The following ZAP70 variants were observed in gnomAD, a reference collection of about 807,000 sequenced individuals.
The protein encoded by ZAP70 is tyrosine-protein kinase ZAP-70.
A neutral mutation model predicts 65.8 loss-of-function variants in ZAP70; 27 were observed. That is an observed-to-expected ratio of 0.41 (90% CI 0.30 to 0.57). The LOEUF is 0.57. Among genes scored for constraint, ZAP70 ranks in the 20% least tolerant of loss-of-function variants. The pLI is 0.28. For missense variants in ZAP70, 696 were observed against 870.5 expected (o/e 0.80, Z 2.52); for synonymous variants, 363 against 360.8 (o/e 1.01, Z -0.07).
the ZAP70 span, among the ~76,000 whole-genome samples, chr2:97,754,177 G>GTAAT: frequency 6.6e-6 from 1 of 152,260 alleles, no homozygotes; most frequent in East Asian, 1.9e-4. Flanking sequence ...TACCCTTAGA[G>GTAAT]TAATTATTTG....
the ZAP70 span, among the ~76,000 whole-genome samples, chr2:97,751,517 T>A: frequency 6.6e-6 from 1 of 152,174 alleles, no homozygotes; most frequent in Non-Finnish European, 1.5e-5. Flanking sequence ...ATGCTATTTT[T>A]AAAAAAATTC....
intron 2 of ZAP70, among the ~76,000 whole-genome samples, chr2:97,718,522 T>C (rs1677039032): frequency 6.6e-6 from 1 of 151,976 alleles, no homozygotes; most frequent in South Asian, 2.1e-4. Flanking sequence ...ACCCGACCTG[T>C]GTGTGTGGGG....
chr2:97,717,022 A>G (rs1676944563), intron 2 of ZAP70, among the ~76,000 whole-genome samples: 1 of 152,352 alleles, frequency 6.6e-6, no homozygotes, highest in African/African-American at 2.4e-5. Context: ...AGACATATGA[A>G]GGAGGAGCCT....
At chr2:97,717,621 G>T (rs1437411172) in intron 2 of ZAP70, among the ~76,000 whole-genome samples, 1 of 152,222 alleles carries the variant, frequency 6.6e-6, no homozygotes, top group Non-Finnish European at 1.5e-5. Flanking sequence ...GATGCCCAGG[G>T]AATGTTCTGT....
chr2:97,754,302 T>C, the ZAP70 span, among the ~76,000 whole-genome samples: 3 of 152,016 alleles, frequency 2.0e-5, no homozygotes, highest in Non-Finnish European at 4.4e-5. Context: ...AAAAAGGAGT[T>C]TGGTCGGGGG....
Position 97,724,046 on chromosome 2 carries a change from C to T in ZAP70, c.10C>T (p.Pro4Ser), listed in dbSNP as rs1463285003. The change falls in exon 3 of 14, where the codon CCC becomes TCC. Residue 4 changes from proline (P) to serine (S), a missense_variant. Around this residue, in one of 3 missense-constraint regions of ZAP70, gnomAD observed 551 missense variants for 630.0 expected, o/e 0.87. Transcript: ENST00000264972. ...GGGAGGCCCAGGGGCGATGCCAGAC[C>T]CCGCGGCGCACCTGCCCTTCTTCTA... MPD[P>S]AAHLPFFYGS... is the part of the protein sequence containing the mutation. 2.6e-6 allele frequency: 4 copies of T among 1,551,922 alleles called. No individual in the cohort carries two copies. Among genetic ancestry groups the T allele is most frequent in the Non-Finnish European group, 3.5e-6 (4 of 1,154,928 alleles).
At chr2:97,747,822 T>G in the ZAP70 span, among the ~76,000 whole-genome samples, 1 of 123,382 alleles carries the variant, frequency 8.1e-6, no homozygotes, top group Admixed American at 7.8e-5. Context: ...GAGGTTTTTT[T>G]TTTTTTTTTT....
intron 4 of ZAP70, among the ~76,000 whole-genome samples, chr2:97,726,157 T>TTATA (rs139213192): frequency 0.035 from 5,277 of 152,198 alleles, 304 homozygotes; most frequent in African/African-American, 0.12. Flanking sequence ...ATGTTAGCTT[T>TTATA]TATATGTGGG....
In ZAP70 at chr2:97,736,613, C is replaced by A. The variant is rs1677895638; in HGVS notation, c.1290-860C>A. 6.6e-6 allele frequency among the ~76,000 whole-genome samples: 1 copy of A among 152,178 alleles called. No individual in the cohort carries two copies. Among genetic ancestry groups the A allele is most frequent in the Non-Finnish European group, 1.5e-5 (1 of 68,042 alleles). On this transcript the variant is annotated intron_variant, in intron 10 of 13. Transcript: ENST00000264972. The surrounding 1 kb of genome is among the most constrained non-coding windows in gnomAD (Gnocchi z 4.0). Reference sequence around the variant, plus strand: ...TAGTGTGGTGGGCACAAGCCTGCCGCAGCTCCAGGGGGTTGGGAGTGTTGG... The same window carrying A: ...TAGTGTGGTGGGCACAAGCCTGCCGAAGCTCCAGGGGGTTGGGAGTGTTGG...
At chr2:97,742,346 A>G (rs1056469431), downstream of ZAP70, among the ~76,000 whole-genome samples, 1 of 152,252 alleles carries the variant, frequency 6.6e-6, no homozygotes, top group Non-Finnish European at 1.5e-5. Flanking sequence ...TTCTCTTGTA[A>G]GTGGCGAAGT....
chr2:97,740,174 C>T (rs1039173674), downstream of ZAP70, among the ~76,000 whole-genome samples: 5 of 152,126 alleles, frequency 3.3e-5, no homozygotes, highest in African/African-American at 7.2e-5. Flanking sequence ...TTTTAACAAA[C>T]GCTAACCCCC....
chr2:97,734,698 G>C lies in ZAP70; in HGVS notation c.1068G>C (p.Val356=). 4 of 1,613,966 alleles carry C rather than the reference G, an allele frequency of 2.5e-6. No individual in the cohort carries two copies. Among genetic ancestry groups the C allele is most frequent in the South Asian group, 1.1e-5 (1 of 91,092 alleles). ...ACTTTGGCTCAGTGCGCCAGGGCGT[G>C]TACCGCATGCGCAAGTATGGCCGCC... is the stretch of plus-strand genomic sequence containing the variant. The part of the protein sequence containing the change: ...CGNFGSVRQG[V]YRMRKKQIDV... The change falls in exon 9 of 14, where the codon GTG becomes GTC. Residue 356 remains valine, a synonymous_variant. Coordinates refer to ENST00000264972, the MANE Select transcript of ZAP70 (RefSeq NM_001079.4).
chr2:97,747,651 G>C, the ZAP70 span, among the ~76,000 whole-genome samples: 4 of 152,096 alleles, frequency 2.6e-5, no homozygotes, highest in African/African-American at 9.7e-5. Context: ...TCTGGAATGA[G>C]AGAGTGGTGA....
chr2:97,714,588 G>A (rs1041565779), intron 2 of ZAP70, among the ~76,000 whole-genome samples: 4 of 152,246 alleles, frequency 2.6e-5, no homozygotes, highest in African/African-American at 4.8e-5. Context: ...CAGGCGCCTG[G>A]TTCCTGACTG....
intron 8 of ZAP70, 59 bp downstream of exon 8, chr2:97,733,654 G>A (rs1677717184): frequency 5.6e-6 from 9 of 1,606,296 alleles, no homozygotes; most frequent in South Asian, 1.1e-5. Flanking sequence ...GATCAGGGTC[G>A]CTGTCAGGGC....
rs1677267204 is a variant in ZAP70 at position 97,724,041 on chromosome 2, C to T, written c.5C>T (p.Pro2Leu). The T allele has an allele frequency of 2.6e-6, 4 of 1,550,726 alleles. No homozygotes were observed. Among genetic ancestry groups the T allele is most frequent in the Non-Finnish European group, 3.5e-6 (4 of 1,154,382 alleles). M[P>L]DPAAHLPFFY... ...GTTTCGGGAGGCCCAGGGGCGATGC[C>T]AGACCCCGCGGCGCACCTGCCCTTC... is the stretch of plus-strand genomic sequence containing the variant. The change falls in exon 3 of 14, where the codon CCA becomes CTA. Residue 2 changes from proline to leucine, a missense_variant. By Grantham distance (98) the Pro-to-Leu change is moderately conservative (BLOSUM62 -3). Around this residue, in one of 3 missense-constraint regions of ZAP70, gnomAD observed 551 missense variants for 630.0 expected, o/e 0.87. Transcript: ENST00000264972.
chr2:97,754,919 C>T, the ZAP70 span, among the ~76,000 whole-genome samples: 17 of 152,154 alleles, frequency 1.1e-4, no homozygotes, highest in Non-Finnish European at 2.1e-4. Context: ...CTGGTGTCCC[C>T]GAGGGACAAA....
intron 13 of ZAP70, 130 bp from the exon 14 acceptor site, chr2:97,739,245 C>A: frequency 1.4e-6 from 2 of 1,436,026 alleles, no homozygotes; most frequent in South Asian, 2.7e-5. Flanking sequence ...TGTCCCGCCA[C>A]CCCAACAGCC....
chr2:97,722,901 C>T (rs1383858103), intron 2 of ZAP70, among the ~76,000 whole-genome samples: 3 of 152,166 alleles, frequency 2.0e-5, no homozygotes, highest in African/African-American at 7.2e-5. Context: ...GCAAGCAGAT[C>T]GTTACCTAGG....
Sources: allele counts gnomAD v4.1 joint callset (sites outside exome capture counted in the v4.1 genomes callset), GRCh38; gene constraint gnomAD v4.1.1; regional missense constraint gnomAD v4.1.1; non-coding constraint Gnocchi (gnomAD v3.1); transcripts MANE v1.5; gene names NCBI Gene and HGNC (gene_info 2026-07-23, HGNC 2026-07-21).